Variants in ZNF2 observed in about 807,000 individuals in gnomAD.
The protein encoded by ZNF2 is zinc finger protein 2.
ZNF2 carries 12 observed loss-of-function variants against 21.9 expected under a neutral mutation model. That is an observed-to-expected ratio of 0.55 (90% CI 0.35 to 0.89). The LOEUF is 0.89. ZNF2 is among the 40% of genes least tolerant of loss of function. ZNF2 has a pLI of 0.01. For synonymous variants in ZNF2, 186 were observed against 196.3 expected (o/e 0.95, Z 0.44); for missense variants, 462 against 544.2 (o/e 0.85, Z 1.50).
chr2:95,180,311 G>C, intron 4 of ZNF2, 39 bp downstream of exon 4: 1 of 1,441,564 alleles, frequency 6.9e-7, no homozygotes, highest in Non-Finnish European at 9.7e-7. Flanking sequence ...AATTTTGTTT[G>C]GCTTTTTGTT....
chr2:95,176,914 A>G (rs1356363446), intron 2 of ZNF2, among the ~76,000 whole-genome samples: 1 of 6,984 alleles, frequency 1.4e-4, no homozygotes, highest in East Asian at 8.8e-3. Flanking sequence ...TATTCTAAGG[A>G]TTTGTAAAAA....
At chr2:95,177,744 T>C (rs1674497741) in intron 3 of ZNF2, 135 bp downstream of exon 3, 1 of 1,203,654 alleles carries the variant, frequency 8.3e-7, no homozygotes, top group Non-Finnish European at 1.1e-6. Context: ...TCGAAAGATG[T>C]GGCATCAGAG....
chr2:95,182,298 ACT>A lies in ZNF2; in HGVS notation c.*195_*196del. The stretch of plus-strand genomic sequence containing the variant: ...AACTGTAGGGGAGGCCATGGAAATG[ACT>A]CTAAAGATACAAAATTTTGAAGAGG... On this transcript the variant is annotated 3_prime_UTR_variant, in exon 5 of 5. Transcript: ENST00000614034. The A allele has an allele frequency of 3.0e-6, 2 of 676,908 alleles. 1 individual carries two copies. Among genetic ancestry groups the A allele is most frequent in the East Asian group, 5.8e-5 (2 of 34,490 alleles). 41.9% of individuals were successfully genotyped at this position (676,908 alleles called of 1,614,324 possible).
At chr2:95,172,568 A>G (rs1162928929) in intron 1 of ZNF2, among the ~76,000 whole-genome samples, 1 of 152,092 alleles carries the variant, frequency 6.6e-6, no homozygotes, top group Non-Finnish European at 1.5e-5. Context: ...CTTTTTCTAT[A>G]CATAATGTGC....
At chr2:95,180,080 G>A (rs1327026910) in intron 3 of ZNF2, 79 bp from the exon 4 acceptor site, 8 of 1,006,228 alleles carry the variant, frequency 8.0e-6, no homozygotes, top group Non-Finnish European at 1.2e-5. Flanking sequence ...AAATCTTAGA[G>A]GCTGGGATTG....
In ZNF2 at chr2:95,180,263, G is replaced by A. The variant is rs2104508887; in HGVS notation, c.265G>A (p.Val89Ile). The change falls in exon 4 of 5, where the codon GTC becomes ATC. Residue 89 changes from valine (V) to isoleucine (I), a missense_variant. Val to Ile is a conservative substitution (Grantham distance 29, BLOSUM62 3). Transcript: ENST00000614034. ...TGAGGAGAGAGAATGGCCAGAGAGT[G>A]TCTCTCTAGGTAACTGAGTGTGAAC... ...GSEEREWPESVSLDWETKPEI... is the reference protein window; with the variant it reads ...GSEEREWPESISLDWETKPEI... 2.5e-6 allele frequency: 4 copies of A among 1,606,466 alleles called. No individual in the cohort carries two copies. The highest frequency in any genetic ancestry group is 4.5e-5 in the East Asian group (2 of 44,824).
At chr2:95,166,808 G>C (rs772482894) in intron 1 of ZNF2, among the ~76,000 whole-genome samples, 2 of 152,236 alleles carry the variant, frequency 1.3e-5, no homozygotes, top group African/African-American at 2.4e-5. Flanking sequence ...AAGCCAGGAA[G>C]AGGCGTTGAT....
chr2:95,180,110 T>C (rs999613625), intron 3 of ZNF2, 49 bp from the exon 4 acceptor site: 7 of 1,320,868 alleles, frequency 5.3e-6, no homozygotes, highest in African/African-American at 1.5e-5. Context: ...AGAGTGATAT[T>C]ATTTTCATCA....
In ZNF2 at chr2:95,182,051, C is replaced by G; in HGVS notation, c.1223C>G (p.Ser408Ter). The change falls in exon 5 of 5, where the codon TCA (serine) becomes TGA (stop). Residue 408 changes from serine to a stop codon, truncating the protein, a stop_gained. Coordinates refer to ENST00000614034, the MANE Select transcript of ZNF2 (RefSeq NM_021088.4). LOFTEE classifies it high-confidence loss of function. The part of the protein sequence containing the change: ...ECTVCGKVFS[S>*]KSSVIQHQRR... ...ACTGTGTGTGGGAAAGTTTTCAGTT[C>G]AAAATCTTCTGTTATTCAACATCAA... 1 of 1,612,942 alleles carries G rather than the reference C, an allele frequency of 6.2e-7. No homozygotes were observed. Among genetic ancestry groups the G allele is most frequent in the Non-Finnish European group, 8.5e-7 (1 of 1,179,104 alleles).
chr2:95,173,865 C>G (rs1203791859), intron 1 of ZNF2, among the ~76,000 whole-genome samples: 1 of 152,218 alleles, frequency 6.6e-6, no homozygotes, highest in Admixed American at 6.5e-5. Flanking sequence ...CACGCCACCA[C>G]GCCCAGCTAA....
chr2:95,169,126 G>A (rs1308435420), intron 1 of ZNF2, among the ~76,000 whole-genome samples: 1 of 152,212 alleles, frequency 6.6e-6, no homozygotes, highest in Non-Finnish European at 1.5e-5. Context: ...GTGTCAGTGA[G>A]CTTACTGAAG....
chr2:95,181,796 A>G lies in ZNF2; in HGVS notation c.968A>G (p.Tyr323Cys), dbSNP rs757845138. ...TGTAACGAGTGCGGGAAAGCTTTCT[A>G]TGGTGTCTCGTCTCTGAATAGACAT... ...YECNECGKAF[Y>C]GVSSLNRHQK... Residue 323 changes from tyrosine (Y) to cysteine (C), a missense_variant, in exon 5 of 5, where the codon TAT becomes TGT. Physicochemically the swap from Tyr to Cys is radical, Grantham distance 194. Transcript: ENST00000614034. 6.8e-6 allele frequency: 11 copies of G among 1,614,044 alleles called. No individual in the cohort carries two copies. In the East Asian group the frequency reaches 8.9e-5, roughly 13 times the overall value.
At chr2:95,172,491 G>A (rs1674310353) in intron 1 of ZNF2, among the ~76,000 whole-genome samples, 1 of 151,936 alleles carries the variant, frequency 6.6e-6, no homozygotes, top group Non-Finnish European at 1.5e-5. Context: ...ATGAAGAATG[G>A]TAAGAAAATA....
intron 2 of ZNF2, among the ~76,000 whole-genome samples, chr2:95,177,161 GT>G (rs954114148): frequency 6.6e-6 from 1 of 152,176 alleles, no homozygotes; most frequent in Non-Finnish European, 1.5e-5. Context: ...GAAAAATAAA[GT>G]AAATGTGGAA....
intron 3 of ZNF2, among the ~76,000 whole-genome samples, chr2:95,178,866 C>T (rs547874941): frequency 2.0e-5 from 3 of 151,980 alleles, no homozygotes; most frequent in East Asian, 1.9e-4. Flanking sequence ...TGTCATATCC[C>T]GTAGCCATTA....
chr2:95,169,188 A>G (rs1674188891), intron 1 of ZNF2, among the ~76,000 whole-genome samples: 1 of 152,158 alleles, frequency 6.6e-6, no homozygotes, highest in African/African-American at 2.4e-5. Flanking sequence ...ACGGATGAGG[A>G]GCACTTTGGG....
intron 1 of ZNF2, among the ~76,000 whole-genome samples, chr2:95,175,349 G>T (rs1413680786): frequency 6.6e-6 from 1 of 152,212 alleles, no homozygotes; most frequent in East Asian, 1.9e-4. Flanking sequence ...TGCTAGGCGA[G>T]GTGAGGGCTT....
chr2:95,166,250 C>T lies in ZNF2; in HGVS notation c.-40+390C>T, dbSNP rs543740712. ...AGATTGCCTCATTTAGCTCCCTGCC[C>T]TGGGCCTCCGCACGAGTGCTGGAGG... On this transcript the variant is annotated intron_variant, in intron 1 of 4. Transcript: ENST00000614034. 1.1e-3 allele frequency among the ~76,000 whole-genome samples: 163 copies of T among 151,934 alleles called. 3 individuals carry two copies. The highest frequency in any genetic ancestry group is 3.2e-3 in the African/African-American group (133 of 41,410).
At chr2:95,176,558 C>T (rs1032714356) in intron 2 of ZNF2, among the ~76,000 whole-genome samples, 4 of 152,166 alleles carry the variant, frequency 2.6e-5, no homozygotes, top group African/African-American at 4.8e-5. Context: ...TGGGCTGGTT[C>T]TGGTCCTGAC....
Sources: allele counts gnomAD v4.1 joint callset (sites outside exome capture counted in the v4.1 genomes callset), GRCh38; gene constraint gnomAD v4.1.1; transcripts MANE v1.5; gene names NCBI Gene and HGNC (gene_info 2026-07-23, HGNC 2026-07-21).